The following CDK14 variants were observed in gnomAD, a reference collection of about 807,000 sequenced individuals.
The protein encoded by CDK14 is cyclin-dependent kinase 14.
Under a neutral mutation model 60.7 loss-of-function variants are expected in CDK14, and 34 were observed. That is an observed-to-expected ratio of 0.56 (90% CI 0.43 to 0.75). The LOEUF (loss-of-function observed/expected upper bound fraction) is 0.75, where lower values mean the gene tolerates loss of function less well. Among genes scored for constraint, CDK14 ranks in the 30% least tolerant of loss-of-function variants. The pLI, the probability that CDK14 is intolerant of heterozygous loss-of-function variation, is 0.00. For synonymous variants in CDK14, 197 were observed against 203.7 expected (o/e 0.97, Z 0.28); for missense variants, 482 against 564.1 (o/e 0.85, Z 1.47).
chr7:90,843,233 A>G (rs1790358123), intron 5 of CDK14, among the ~76,000 whole-genome samples: 1 of 152,148 alleles, frequency 6.6e-6, no homozygotes, highest in Admixed American at 6.6e-5. Context: ...TCACTAGTTC[A>G]TTAGTCTCAG....
At chr7:90,826,524 T>C (rs959843619) in intron 5 of CDK14, among the ~76,000 whole-genome samples, 25 of 152,204 alleles carry the variant, frequency 1.6e-4, no homozygotes, top group African/African-American at 6.0e-4. Flanking sequence ...GCCTCTTCAG[T>C]TTATTTTTAA....
intron 5 of CDK14, among the ~76,000 whole-genome samples, chr7:90,821,374 G>A (rs999419962): frequency 4.6e-5 from 7 of 152,150 alleles, no homozygotes; most frequent in African/African-American, 1.4e-4. Flanking sequence ...TAAGGCCGAG[G>A]GCCAGGCCAT....
At chr7:90,603,930 T>G (rs1253440082) in intron 1 of CDK14, among the ~76,000 whole-genome samples, 1 of 152,238 alleles carries the variant, frequency 6.6e-6, no homozygotes, top group African/African-American at 2.4e-5. Context: ...TGAAACATGT[T>G]CCAACTAAAG....
At chr7:91,145,918 CTTTATTTATTTA>C (rs144547153) in intron 14 of CDK14, among the ~76,000 whole-genome samples, 44 of 147,848 alleles carry the variant, frequency 3.0e-4, no homozygotes, top group African/African-American at 6.3e-4. Flanking sequence ...ACCTGGCTTG[CTTTATTTATTTA>C]TTTATTTATT....
chr7:90,831,881 G>C (rs763982862), intron 5 of CDK14, among the ~76,000 whole-genome samples: 1 of 151,816 alleles, frequency 6.6e-6, no homozygotes, highest in Admixed American at 6.6e-5. Context: ...AGCCACACTG[G>C]TCTCCTTGTT....
chr7:90,692,942 A>G (rs2116590540), intron 2 of CDK14, among the ~76,000 whole-genome samples: 1 of 152,212 alleles, frequency 6.6e-6, no homozygotes, highest in Middle Eastern at 3.4e-3. Flanking sequence ...CAAGTAAAAA[A>G]AAAAAAAATT....
Position 91,197,419 on chromosome 7 carries a change from A to T in CDK14, c.*29-9746A>T, listed in dbSNP as rs932046102. Among the ~76,000 whole-genome samples the T allele has an allele frequency of 3.5e-5, 5 of 142,748 alleles. No individual in the cohort carries two copies. In the East Asian group the frequency reaches 1.0e-3, roughly 30 times the overall value. The allele number at this position is 142,748 out of a possible 152,430, so 93.6% of individuals were successfully genotyped here. ...TCTGTCTCAAAAAAAAAAAAAAAAA[A>T]GTCCCAAATCCTGGAAACCTCCTCA... On this transcript the variant is annotated intron_variant, in intron 14 of 14. Transcript: ENST00000380050.
intron 14 of CDK14, among the ~76,000 whole-genome samples, chr7:91,203,173 A>T (rs1403126240): frequency 6.6e-6 from 1 of 151,882 alleles, no homozygotes; most frequent in Non-Finnish European, 1.5e-5. Context: ...AATCCTACCA[A>T]CCATCCTCAG....
At chr7:90,597,507 C>A (rs1487371710) in intron 1 of CDK14, among the ~76,000 whole-genome samples, 1 of 152,216 alleles carries the variant, frequency 6.6e-6, no homozygotes, top group South Asian at 2.1e-4. Flanking sequence ...GCATAGAAAA[C>A]CCCTTTTAAC....
chr7:90,980,538 T>C (rs565451800), intron 9 of CDK14, among the ~76,000 whole-genome samples: 1 of 152,270 alleles, frequency 6.6e-6, no homozygotes, highest in South Asian at 2.1e-4. Context: ...TCATATTAAA[T>C]TGAAGAGCTC....
At chr7:91,185,983 T>C (rs932534181) in intron 14 of CDK14, among the ~76,000 whole-genome samples, 4 of 152,142 alleles carry the variant, frequency 2.6e-5, no homozygotes, top group African/African-American at 7.2e-5. Flanking sequence ...GGACACTTCA[T>C]ATAAATGGAA....
intron 2 of CDK14, among the ~76,000 whole-genome samples, chr7:90,623,693 C>T (rs1016988124): frequency 1.3e-5 from 2 of 152,142 alleles, no homozygotes; most frequent in African/African-American, 4.8e-5. Context: ...TAACTTTCCC[C>T]TTGAGCATCC....
chr7:90,649,281 T>TTTCTTTCCTTCC (rs1800541886), intron 2 of CDK14, among the ~76,000 whole-genome samples: 1 of 57,304 alleles, frequency 1.7e-5, no homozygotes, highest in South Asian at 8.1e-4. Context: ...TCTTTCTTTC[T>TTTCTTTCCTTCC]TTCTTTCTTT....
At chr7:91,176,736 A>G (rs1355122806) in intron 14 of CDK14, among the ~76,000 whole-genome samples, 1 of 151,480 alleles carries the variant, frequency 6.6e-6, no homozygotes, top group African/African-American at 2.4e-5. Context: ...CTCGACACAT[A>G]CACTCTCCCA....
At chr7:90,640,142 G>T (rs537063998) in intron 2 of CDK14, among the ~76,000 whole-genome samples, 1 of 152,080 alleles carries the variant, frequency 6.6e-6, no homozygotes, top group Admixed American at 6.5e-5. Context: ...TGTGCCCACT[G>T]TCTGGCACTC....
chr7:91,065,997 C>T (rs546834703), intron 11 of CDK14, among the ~76,000 whole-genome samples: 53 of 152,296 alleles, frequency 3.5e-4, no homozygotes, highest in African/African-American at 1.2e-3. Flanking sequence ...CAGAAAGGTA[C>T]TGGGCTCAGC....
intron 10 of CDK14, among the ~76,000 whole-genome samples, chr7:91,002,045 C>T (rs564000448): frequency 2.7e-4 from 41 of 152,094 alleles, no homozygotes; most frequent in Non-Finnish European, 4.7e-4. Flanking sequence ...CCTGTAGTCC[C>T]GTCTATTTGT....
chr7:91,084,650 G>A (rs1431205923), intron 12 of CDK14, among the ~76,000 whole-genome samples: 1 of 152,164 alleles, frequency 6.6e-6, no homozygotes, highest in East Asian at 1.9e-4. Context: ...ATAACCCCTG[G>A]TGATGGCCAA....
intron 4 of CDK14, among the ~76,000 whole-genome samples, chr7:90,783,949 A>G (rs981991929): frequency 1.3e-5 from 2 of 152,226 alleles, no homozygotes; most frequent in African/African-American, 4.8e-5. Flanking sequence ...AAGGAAATCA[A>G]TATGTGGAAG....
Sources: allele counts gnomAD v4.1 joint callset (sites outside exome capture counted in the v4.1 genomes callset), GRCh38; gene constraint gnomAD v4.1.1; transcripts MANE v1.5; gene names NCBI Gene and HGNC (gene_info 2026-07-23, HGNC 2026-07-21).